The following EIF3H variants were observed in gnomAD, a reference collection of about 807,000 sequenced individuals.
The protein encoded by EIF3H is eIF-3-gamma.
Under a neutral mutation model 44.2 loss-of-function variants are expected in EIF3H, and 26 were observed. The ratio of observed to expected loss-of-function variants is 0.59; its 90% confidence interval spans 0.43 to 0.82. EIF3H has a LOEUF of 0.82. Ranked by LOEUF, EIF3H falls within the 40% of genes least tolerant of loss-of-function variation. The pLI, the probability that EIF3H is intolerant of heterozygous loss-of-function variation, is 0.00. For synonymous variants in EIF3H, 166 were observed against 151.9 expected, an observed-to-expected ratio of 1.09 and a Z score of -0.68; for missense variants, 359 against 432.8, an observed-to-expected ratio of 0.83 and a Z score of 1.51.
In EIF3H at chr8:116,644,853, T is replaced by A. The variant is rs1813273622; in HGVS notation, c.*153A>T. 4 of 564,126 alleles carry A rather than the reference T, an allele frequency of 7.1e-6. 1 individual carries two copies. In the South Asian group the frequency reaches 1.1e-4, roughly 16 times the overall value. 34.9% of individuals were successfully genotyped at this position (564,126 alleles called of 1,614,324 possible). A position where few individuals can be genotyped will look rare whatever the true frequency, so the allele number is the denominator to read the frequency against. ...GCAGTCAAGATTTTGTTTTATTTTA[T>A]TATGGCTAGAAAGACACTGTTATAG... is the stretch of plus-strand genomic sequence containing the variant. On this transcript the variant is annotated 3_prime_UTR_variant, in exon 8 of 8. Transcript: ENST00000521861.
At chr8:116,721,376 A>T (rs747550868) in intron 2 of EIF3H, among the ~76,000 whole-genome samples, 1 of 152,246 alleles carries the variant, frequency 6.6e-6, no homozygotes, top group Non-Finnish European at 1.5e-5. Flanking sequence ...CATCAGGCAG[A>T]AGTTTGCTGC....
chr8:116,754,173 G>A lies in EIF3H; in HGVS notation c.132+1493C>T, dbSNP rs188475196. On this transcript the variant is annotated intron_variant, in intron 1 of 7. Coordinates refer to ENST00000521861, the MANE Select transcript of EIF3H (RefSeq NM_003756.3). The stretch of plus-strand genomic sequence containing the variant: ...CTATTGCCCAGGCTGGAGTGCAGTG[G>A]CACAATCTCGGCTCACTGCAACCTC... 3.3e-5 allele frequency among the ~76,000 whole-genome samples: 5 copies of A among 152,100 alleles called. No individual in the cohort carries two copies. In the South Asian group the frequency reaches 1.0e-3, roughly 32 times the overall value.
intron 1 of EIF3H, among the ~76,000 whole-genome samples, chr8:116,744,348 G>A (rs914747367): frequency 6.6e-6 from 1 of 151,930 alleles, no homozygotes; most frequent in Admixed American, 6.6e-5. Flanking sequence ...ATGTTTAAAG[G>A]GTCAAAGACT....
intron 2 of EIF3H, among the ~76,000 whole-genome samples, chr8:116,702,404 G>A (rs1814392853): frequency 6.6e-6 from 1 of 152,180 alleles, no homozygotes. Flanking sequence ...TTCATCTCCT[G>A]AAATCATTTC....
chr8:116,715,552 T>C (rs1194555122), intron 2 of EIF3H, among the ~76,000 whole-genome samples: 1 of 152,014 alleles, frequency 6.6e-6, no homozygotes, highest in East Asian at 1.9e-4. Flanking sequence ...CTTTGTGTTG[T>C]AGTAAGCAAA....
intron 2 of EIF3H, among the ~76,000 whole-genome samples, chr8:116,709,694 AG>A (rs1208557372): frequency 6.6e-6 from 1 of 152,220 alleles, no homozygotes; most frequent in African/African-American, 2.4e-5. Flanking sequence ...AATGTTTCTT[AG>A]GAACTTGCTT....
intron 1 of EIF3H, among the ~76,000 whole-genome samples, chr8:116,735,967 T>C (rs1815031761): frequency 6.6e-6 from 1 of 152,184 alleles, no homozygotes; most frequent in South Asian, 2.1e-4. Context: ...CTGAAAAAGC[T>C]TCACATTTTG....
chr8:116,689,253 T>G (rs1814132271), intron 2 of EIF3H: 1 of 290,796 alleles, frequency 3.4e-6, no homozygotes, highest in Non-Finnish European at 7.1e-6. Flanking sequence ...GAATGTAGAT[T>G]TGAGGATACC....
rs547264548 is a variant in EIF3H, at chr8:116,649,780, G to T, written c.708-854C>A. ...CTATATCTTCATTGATCTTATAACT[G>T]ATTAGGGATGGAGGAGAAAGAGAAG... On this transcript the variant is annotated intron_variant, in intron 5 of 7. Transcript: ENST00000521861. 1.2e-4 allele frequency among the ~76,000 whole-genome samples: 18 copies of T among 152,296 alleles called. No homozygotes were observed. In the South Asian group the frequency reaches 2.9e-3, roughly 25 times the overall value.
intron 2 of EIF3H, among the ~76,000 whole-genome samples, chr8:116,662,505 A>G (rs1288547076): frequency 6.6e-6 from 1 of 152,226 alleles, no homozygotes; most frequent in Non-Finnish European, 1.5e-5. Context: ...TCTGTTTATT[A>G]TAAGCCAAGG....
At chr8:116,689,822 C>T (rs540811249) in intron 2 of EIF3H, among the ~76,000 whole-genome samples, 13 of 152,254 alleles carry the variant, frequency 8.5e-5, no homozygotes, top group African/African-American at 3.1e-4. Flanking sequence ...GGCTCTATCA[C>T]ATTGAAAGGT....
intron 1 of EIF3H, among the ~76,000 whole-genome samples, chr8:116,739,999 C>T (rs1188341972): frequency 6.6e-6 from 1 of 151,996 alleles, no homozygotes; most frequent in Non-Finnish European, 1.5e-5. Context: ...AAAACACACA[C>T]ACACACAAAG....
In EIF3H at chr8:116,697,974, G is replaced by A. The variant is rs58109478; in HGVS notation, c.289+28042C>T. 8.9e-3 allele frequency among the ~76,000 whole-genome samples: 1,352 copies of A among 152,312 alleles called. 27 individuals carry two copies. The highest frequency in any genetic ancestry group is 0.031 in the African/African-American group (1,296 of 41,560). On this transcript the variant is annotated intron_variant, in intron 2 of 7. Coordinates refer to ENST00000521861, the MANE Select transcript of EIF3H (RefSeq NM_003756.3). The stretch of plus-strand genomic sequence containing the variant: ...CACATTAAGTGCTTACTAAAAGGCA[G>A]GCACTGCCTTAATGTATTCTATGCA...
upstream of EIF3H, chr8:116,755,918 T>G: frequency 1.3e-6 from 2 of 1,544,140 alleles, no homozygotes; most frequent in Non-Finnish European, 1.7e-6. Flanking sequence ...AAGCCAAAAT[T>G]GGGCCCCGCC....
chr8:116,733,068 C>T (rs1428632952), intron 1 of EIF3H, among the ~76,000 whole-genome samples: 1 of 152,108 alleles, frequency 6.6e-6, no homozygotes, highest in African/African-American at 2.4e-5. Flanking sequence ...TCAGGAGTTC[C>T]CACAAAACCC....
rs528332752 is a variant in EIF3H at position 116,648,556 on chromosome 8, T to C, written c.828+250A>G. 3.2e-4 allele frequency among the ~76,000 whole-genome samples: 48 copies of C among 152,344 alleles called. 1 individual carries two copies. The South Asian group carries it at 8.9e-3, about 28-fold the overall frequency. On this transcript the variant is annotated intron_variant, in intron 6 of 7. Transcript: ENST00000521861. ...GCTTCTGATTTTCTCAATAAATGTA[T>C]CTCTTATTTGCATAACCTTGGCATT...
At chr8:116,750,597 G>C (rs1815316927) in intron 1 of EIF3H, among the ~76,000 whole-genome samples, 1 of 151,854 alleles carries the variant, frequency 6.6e-6, no homozygotes, top group Non-Finnish European at 1.5e-5. Context: ...TTTTAGTAGA[G>C]ACAGGGTTTC....
At chr8:116,667,673 C>T (rs74640397) in intron 2 of EIF3H, among the ~76,000 whole-genome samples, 17,694 of 152,160 alleles carry the variant, frequency 0.12, 1,331 homozygotes, top group East Asian at 0.42. Flanking sequence ...TTGTAGTGTA[C>T]ACACAAAAGT....
At chr8:116,716,144 A>C (rs561534153) in intron 2 of EIF3H, among the ~76,000 whole-genome samples, 11 of 152,240 alleles carry the variant, frequency 7.2e-5, no homozygotes, top group African/African-American at 2.6e-4. Context: ...TAATCTCATA[A>C]GGAAATTATC....
Sources: gnomAD v4.1 joint callset for allele counts (sites outside exome capture counted in the v4.1 genomes callset) on GRCh38, gnomAD v4.1.1 for gene constraint, MANE v1.5 for transcripts, NCBI Gene and HGNC (gene_info 2026-07-23, HGNC 2026-07-21) for gene names.